IK: variants seen among roughly 807,000 people sequenced by gnomAD.
IK encodes the protein protein Red.
In IK, 47 loss-of-function variants were observed where a neutral mutation model predicts 90.9. The ratio of observed to expected loss-of-function variants is 0.52; its 90% CI spans 0.41 to 0.66. The LOEUF (loss-of-function observed/expected upper bound fraction) is 0.66. Ranked by LOEUF, IK falls within the 30% of genes least tolerant of loss-of-function variation. The pLI is 0.00. For missense variants in IK, 385 were observed against 709.3 expected, an observed-to-expected ratio of 0.54 and a Z score of 5.19; for synonymous variants, 201 against 227.5, an observed-to-expected ratio of 0.88 and a Z score of 1.05.
chr5:140,660,315 G>A, intron 15 of IK, 120 bp downstream of exon 15: 1 of 330,748 alleles, frequency 3.0e-6, no homozygotes, highest in East Asian at 5.0e-5. Flanking sequence ...TTTTTTTTTT[G>A]GAGACAGAGT....
rs750523739 is a variant in IK at position 140,652,124 on chromosome 5, T to A, written c.213T>A (p.Ala71=). Residue 71 remains alanine, a synonymous_variant, in exon 4 of 20, where the codon GCT becomes GCA. Coordinates refer to ENST00000417647, the MANE Select transcript of IK (RefSeq NM_006083.4). Reference sequence around the variant, plus strand: ...AGTACAATGAGGATGAAGACCCAGCTGCACGAAGGAGGAAAAAGAAAAGGT... The same window carrying A: ...AGTACAATGAGGATGAAGACCCAGCAGCACGAAGGAGGAAAAAGAAAAGGT... ...PREYNEDEDP[A]ARRRKKKSYY... The A allele has an allele frequency of 1.2e-6, 2 of 1,613,648 alleles. No homozygotes were observed. The highest frequency in any genetic ancestry group is 3.3e-5 in the Admixed American group (2 of 60,004).
chr5:140,651,850 G>C, intron 3 of IK, 44 bp downstream of exon 3: 3 of 1,222,272 alleles, frequency 2.5e-6, no homozygotes, highest in Non-Finnish European at 3.6e-6. Flanking sequence ...CTTGTTTCTT[G>C]CTCCTTCCTA....
intron 8 of IK, among the ~76,000 whole-genome samples, chr5:140,655,526 G>A (rs1757694333): frequency 1.3e-5 from 2 of 152,198 alleles, no homozygotes; most frequent in Admixed American, 1.3e-4. Flanking sequence ...CAGGTGCATA[G>A]TGCCCTTGAA....
At chr5:140,653,372 C>T (rs564079456) in intron 5 of IK, among the ~76,000 whole-genome samples, 15 of 151,618 alleles carry the variant, frequency 9.9e-5, no homozygotes, top group South Asian at 2.1e-4. Context: ...TGGCAAGCTC[C>T]GCCTCCCAGG....
Position 140,662,207 on chromosome 5 carries a change from C to G in IK, c.1640C>G (p.Ala547Gly). Reference sequence around the variant, plus strand: ...ATTGAGAAGAGGAAGAAGATGGAAGCTGATGGGTGAGCGGCATTATTCTTC... The same window carrying G: ...ATTGAGAAGAGGAAGAAGATGGAAGGTGATGGGTGAGCGGCATTATTCTTC... ...AIIEKRKKME[A>G]DGVEVKRPKY The change falls in exon 19 of 20, where the codon GCT (alanine) becomes GGT (glycine). Residue 547 changes from alanine (A) to glycine (G), a missense_variant. Around this residue, in one of 8 missense-constraint regions of IK, gnomAD observed 29 missense variants for 41.8 expected, o/e 0.69. Transcript: ENST00000417647. 6.2e-7 allele frequency: 1 copy of G among 1,613,974 alleles called. No homozygotes were observed. Among genetic ancestry groups the G allele is most frequent in the East Asian group, 2.2e-5 (1 of 44,880 alleles).
chr5:140,648,080 C>T (rs1226716348), intron 1 of IK, 156 bp downstream of exon 1: 2 of 886,264 alleles, frequency 2.3e-6, no homozygotes, highest in Non-Finnish European at 3.8e-6. Flanking sequence ...CCCGGAGAAG[C>T]CACAGGGTCC....
At chr5:140,658,658 T>G in intron 10 of IK, 79 bp from the exon 11 acceptor site, 2 of 1,171,568 alleles carry the variant, frequency 1.7e-6, no homozygotes, top group Non-Finnish European at 2.5e-6. Context: ...TAAAAGGGCA[T>G]TAAGAGCTGG....
Position 140,659,853 on chromosome 5 carries a change from C to T in IK, c.1274+19C>T, listed in dbSNP as rs138934747. On this transcript the variant is annotated intron_variant, in intron 14 of 19. Transcript: ENST00000417647. ...CAGAATCATATCCTTTATTTTAATA[C>T]GTTCCTGGGTTCCAGAGAACTGGTC... The T allele has an allele frequency of 8.9e-5, 137 of 1,544,008 alleles. No homozygotes were observed. The East Asian group carries it at 2.8e-3, about 31-fold the overall frequency.
intron 2 of IK, among the ~76,000 whole-genome samples, chr5:140,650,521 T>C (rs1207811477): frequency 6.6e-6 from 1 of 152,206 alleles, no homozygotes; most frequent in Non-Finnish European, 1.5e-5. Flanking sequence ...AACACCATCA[T>C]AGTTTAGTCA....
Position 140,659,332 on chromosome 5 carries a change from A to C in IK, c.1194A>C (p.Lys398Asn), listed in dbSNP as rs1187775894. 24 of 1,613,996 alleles carry C rather than the reference A, an allele frequency of 1.5e-5. No individual in the cohort carries two copies. The highest frequency in any genetic ancestry group is 2.0e-5 in the Non-Finnish European group (24 of 1,179,858). Residue 398 changes from lysine (K) to asparagine (N), a missense_variant and splice_region_variant, in exon 13 of 20, where the codon AAA becomes AAC. By Grantham distance (94) the Lys-to-Asn change is moderately conservative. Transcript: ENST00000417647. ...KVDDEPMDVDKGPGSTKELIK... is the reference protein window; with the variant it reads ...KVDDEPMDVDNGPGSTKELIK... ...CTTTCCAGCCCATGGACGTTGACAAAGGTGAGTTGTACACACAGCATCTCA... is the reference window on the plus strand; with the variant it reads ...CTTTCCAGCCCATGGACGTTGACAACGGTGAGTTGTACACACAGCATCTCA...
chr5:140,660,400 C>T (rs750753177), intron 15 of IK: 20 of 537,822 alleles, frequency 3.7e-5, no homozygotes, highest in Middle Eastern at 4.9e-4. Flanking sequence ...CGGGTTCAAG[C>T]GATTCTCCTG....
intron 2 of IK, among the ~76,000 whole-genome samples, chr5:140,650,495 CT>C (rs1757597295): frequency 6.6e-6 from 1 of 152,212 alleles, no homozygotes; most frequent in African/African-American, 2.4e-5. Context: ...TTAGTGCTGT[CT>C]TTCCCTCTTT....
At chr5:140,654,980 T>C (rs1314007428) in intron 8 of IK, among the ~76,000 whole-genome samples, 1 of 152,052 alleles carries the variant, frequency 6.6e-6, no homozygotes, top group Non-Finnish European at 1.5e-5. Flanking sequence ...TAGCTAATTT[T>C]TTTTTTTATT....
chr5:140,655,773 A>G (rs1335349704), intron 8 of IK, 56 bp from the exon 9 acceptor site: 4 of 1,561,990 alleles, frequency 2.6e-6, no homozygotes. Flanking sequence ...GTAAGCACAT[A>G]AGTGACAGCT....
rs1199734820 is a variant in IK at position 140,659,328 on chromosome 5, A to G, written c.1190A>G (p.Asp397Gly). ...PKVDDEPMDVDKGPGSTKELI... is the reference protein window; with the variant it reads ...PKVDDEPMDVGKGPGSTKELI... ...TGTTCTTTCCAGCCCATGGACGTTG[A>G]CAAAGGTGAGTTGTACACACAGCAT... Residue 397 changes from aspartate (D) to glycine (G), a missense_variant, in exon 13 of 20, where the codon GAC becomes GGC. By Grantham distance (94) the Asp-to-Gly change is moderately conservative (BLOSUM62 -1). Around this residue, in one of 8 missense-constraint regions of IK, gnomAD observed 139 missense variants for 172.0 expected, o/e 0.81. Transcript: ENST00000417647. The G allele has an allele frequency of 6.2e-7, 1 of 1,613,888 alleles. No homozygotes were observed. The highest frequency in any genetic ancestry group is 2.2e-5 in the East Asian group (1 of 44,890).
chr5:140,652,019 A>G (rs1348507801), intron 3 of IK, 69 bp from the exon 4 acceptor site: 1 of 1,249,636 alleles, frequency 8.0e-7, no homozygotes, highest in South Asian at 1.2e-5. Context: ...AAAATCCTCA[A>G]GGAGACTTCT....
rs1204734593 is a variant in IK at position 140,661,309 on chromosome 5, GT to G, written c.1414-308del. The G allele has an allele frequency of 5.7e-6, 2 of 352,326 alleles. No homozygotes were observed. Among genetic ancestry groups the G allele is most frequent in the Middle Eastern group, 8.5e-4 (1 of 1,176 alleles). The allele number at this position is 352,326 out of a possible 1,614,324, so 21.8% of individuals were successfully genotyped here. On this transcript the variant is annotated intron_variant, in intron 16 of 19. Coordinates refer to ENST00000417647, the MANE Select transcript of IK (RefSeq NM_006083.4). This position sits in a 1 kb window ranked among gnomAD's most constrained non-coding sequence, Gnocchi z 4.2. ...AGCCTTGTTTAATCCTGCCTCTACT[GT>G]TTATTAGTTTTGTGAACTTGCCAAG...
intron 15 of IK, 97 bp downstream of exon 15, chr5:140,660,292 C>CCTTTTTTTTTTTTT (rs1757781333): frequency 6.7e-5 from 19 of 283,166 alleles, no homozygotes; most frequent in Admixed American, 1.1e-4. Flanking sequence ...AGGGCTACTT[C>CCTTTTTTTTTTTTT]TTTTTTTTTT....
chr5:140,660,049 C>G (rs1757775039), intron 14 of IK, 66 bp from the exon 15 acceptor site: 2 of 1,426,362 alleles, frequency 1.4e-6, no homozygotes, highest in South Asian at 1.2e-5. Flanking sequence ...CCCTTGGCCC[C>G]CTCCTGGCTG....
Sources: allele counts gnomAD v4.1 joint callset (sites outside exome capture counted in the v4.1 genomes callset), GRCh38; gene constraint gnomAD v4.1.1; regional missense constraint gnomAD v4.1.1; non-coding constraint Gnocchi (gnomAD v3.1); transcripts MANE v1.5; gene names NCBI Gene and HGNC (gene_info 2026-07-23, HGNC 2026-07-21).